Variants in MAP7 observed in about 807,000 individuals in gnomAD.
MAP7 encodes the protein microtubule associated protein 7.
A neutral mutation model predicts 94.8 loss-of-function variants in MAP7; 52 were observed. The ratio of observed to expected loss-of-function variants is 0.55; its 90% CI spans 0.44 to 0.69. MAP7 has a LOEUF of 0.69. Among genes scored for constraint, MAP7 ranks in the 30% least tolerant of loss-of-function variants. The pLI is 0.00. For missense variants in MAP7, 940 were observed against 964.6 expected, an observed-to-expected ratio of 0.97 and a Z score of 0.34; for synonymous variants, 350 against 357.0, an observed-to-expected ratio of 0.98 and a Z score of 0.22.
chr6:136,545,378 C>CAGGT (rs1327266787), intron 1 of MAP7: 1 of 152,086 alleles, frequency 6.6e-6, no homozygotes, highest in Non-Finnish European at 1.5e-5. Context: ...ACTTTGCTTT[C>CAGGT]ATTAGCTAAA....
intron 16 of MAP7, among the ~76,000 whole-genome samples, chr6:136,352,774 A>G (rs968739562): frequency 2.0e-4 from 30 of 152,366 alleles, no homozygotes; most frequent in Non-Finnish European, 3.7e-4. Context: ...TGGAAACTAC[A>G]AACAATGACA....
intron 1 of MAP7, among the ~76,000 whole-genome samples, chr6:136,449,193 G>T (rs1319590202): frequency 2.6e-5 from 4 of 152,124 alleles, no homozygotes; most frequent in African/African-American, 9.7e-5. Flanking sequence ...TACTGGGGAG[G>T]CTGAGGCAGG....
intron 1 of MAP7, among the ~76,000 whole-genome samples, chr6:136,492,309 T>C (rs933415099): frequency 6.6e-6 from 1 of 152,234 alleles, no homozygotes; most frequent in African/African-American, 2.4e-5. Context: ...CAGTTATCTC[T>C]AAGCCGGGAA....
intron 1 of MAP7, among the ~76,000 whole-genome samples, chr6:136,486,017 C>T (rs193277736): frequency 1.1e-4 from 16 of 152,214 alleles, no homozygotes; most frequent in Non-Finnish European, 1.8e-4. Context: ...ATCTAATAGA[C>T]CAATTAGAGT....
In MAP7 at chr6:136,427,832, A is replaced by C. The variant is rs375667850; in HGVS notation, c.68-6033T>G. Among the ~76,000 whole-genome samples, 78 of 152,356 alleles carry C rather than the reference A, an allele frequency of 5.1e-4. No homozygotes were observed. The South Asian group carries it at 0.015, about 30-fold the overall frequency. Reference sequence around the variant, plus strand: ...ATAGTAAGAGTGTGGAGGCTTTACAATTTGGAGTAGCTCATTCAGCAATGA... The same window carrying C: ...ATAGTAAGAGTGTGGAGGCTTTACACTTTGGAGTAGCTCATTCAGCAATGA... On this transcript the variant is annotated intron_variant, in intron 1 of 17. Transcript: ENST00000354570.
chr6:136,550,291 C>T lies in MAP7; in HGVS notation c.67+51G>A. 4 of 1,416,854 alleles carry T rather than the reference C, an allele frequency of 2.8e-6. No homozygotes were observed. Among genetic ancestry groups the T allele is most frequent in the East Asian group, 3.0e-5 (1 of 32,968 alleles). 87.8% of individuals were successfully genotyped at this position (1,416,854 alleles called of 1,614,324 possible). On this transcript the variant is annotated intron_variant, in intron 1 of 17. Transcript: ENST00000354570. The surrounding 1 kb of genome is among the most constrained non-coding windows in gnomAD (Gnocchi z 5.1). Reference sequence around the variant, plus strand: ...TTTCGGTGCCAGCCCGCCGGCCCCGCTCGCCGTCCCCTGCCCGACGGGACC... The same window carrying T: ...TTTCGGTGCCAGCCCGCCGGCCCCGTTCGCCGTCCCCTGCCCGACGGGACC...
In MAP7 at chr6:136,346,021, A is replaced by T; in HGVS notation, c.2074T>A (p.Phe692Ile). The T allele has an allele frequency of 6.2e-7, 1 of 1,613,886 alleles. No individual in the cohort carries two copies. The highest frequency in any genetic ancestry group is 8.5e-7 in the Non-Finnish European group (1 of 1,179,826). Residue 692 changes from phenylalanine to isoleucine, a missense_variant, in exon 17 of 18, where the codon TTT becomes ATT. Physicochemically the swap from Phe to Ile is conservative, Grantham distance 21. Coordinates refer to ENST00000354570, the MANE Select transcript of MAP7 (RefSeq NM_003980.6). ...ENGVSVQNEN[F>I]EEIINLPIGS... ...ATGGGTAAGTTTATAATTTCTTCAA[A>T]ATTTTCATTCTGAACAGATACACCA...
chr6:136,482,992 G>A lies in MAP7; in HGVS notation c.68-61193C>T, dbSNP rs541331332. ...TTTTCATTCTGTACAAGTTTTCCAC[G>A]TCCCTATTGATTGAATTCTTTGTCT... On this transcript the variant is annotated intron_variant, in intron 1 of 17. Coordinates refer to ENST00000354570, the MANE Select transcript of MAP7 (RefSeq NM_003980.6). Among the ~76,000 whole-genome samples the A allele has an allele frequency of 1.4e-4, 21 of 152,084 alleles. No individual in the cohort carries two copies. In the South Asian group the frequency reaches 2.3e-3, roughly 17 times the overall value.
At chr6:136,398,217 C>G (rs1392438994) in intron 3 of MAP7, among the ~76,000 whole-genome samples, 1 of 152,186 alleles carries the variant, frequency 6.6e-6, no homozygotes, top group Admixed American at 6.5e-5. Flanking sequence ...TGAACTTGGG[C>G]CCACCCCCAG....
chr6:136,541,741 A>T (rs1454057370), intron 1 of MAP7, among the ~76,000 whole-genome samples: 1 of 152,136 alleles, frequency 6.6e-6, no homozygotes, highest in Non-Finnish European at 1.5e-5. Context: ...AGTGTCAAAT[A>T]CTATATATTA....
intron 2 of MAP7, among the ~76,000 whole-genome samples, chr6:136,418,262 C>T (rs555595387): frequency 1.1e-3 from 163 of 152,320 alleles, no homozygotes; most frequent in Middle Eastern, 6.8e-3. Context: ...GTTGCCCAGG[C>T]TAGAGTATAG....
rs769951186 is a variant in MAP7 at position 136,480,641 on chromosome 6, C to CAAAAAAAAAAA, written c.68-58853_68-58843dup. Among the ~76,000 whole-genome samples the CAAAAAAAAAAA allele has an allele frequency of 1.5e-3, 31 of 20,150 alleles. 1 individual carries two copies. Among genetic ancestry groups the CAAAAAAAAAAA allele is most frequent in the Non-Finnish European group, 1.8e-3 (20 of 11,050 alleles). The allele number at this position is 20,150 out of a possible 152,430, so 13.2% of individuals were successfully genotyped here. The stretch of plus-strand genomic sequence containing the variant: ...TGGGTGACAGAGTGAGACTCTGCCT[C>CAAAAAAAAAAA]AAAAAAAAAAAAAAAAAAAAAAAAA... On this transcript the variant is annotated intron_variant, in intron 1 of 17. Transcript: ENST00000354570.
chr6:136,520,571 T>C (rs1826120647), intron 1 of MAP7, among the ~76,000 whole-genome samples: 1 of 152,162 alleles, frequency 6.6e-6, no homozygotes, highest in Admixed American at 6.5e-5. Flanking sequence ...GATGATTTCA[T>C]TACACTGATG....
chr6:136,355,818 T>G (rs1790748859), intron 16 of MAP7, among the ~76,000 whole-genome samples: 1 of 152,226 alleles, frequency 6.6e-6, no homozygotes, highest in African/African-American at 2.4e-5. Flanking sequence ...CTGCAAGTTC[T>G]CTATGATTGG....
At chr6:136,407,032 A>C (rs1484185351) in intron 3 of MAP7, among the ~76,000 whole-genome samples, 2 of 152,236 alleles carry the variant, frequency 1.3e-5, no homozygotes, top group Non-Finnish European at 2.9e-5. Flanking sequence ...TAAAAAGTAC[A>C]ACCACTGTGC....
intron 2 of MAP7, among the ~76,000 whole-genome samples, chr6:136,414,093 CA>C (rs1294338820): frequency 3.2e-5 from 4 of 124,752 alleles, no homozygotes; most frequent in Admixed American, 1.6e-4. Flanking sequence ...ACTAAAAATA[CA>C]AAAAAAAAAT....
intron 1 of MAP7, among the ~76,000 whole-genome samples, chr6:136,469,386 T>G (rs905896616): frequency 6.6e-6 from 1 of 151,950 alleles, no homozygotes; most frequent in Non-Finnish European, 1.5e-5. Context: ...TTCTCTCTCT[T>G]TCTCTCTTTT....
chr6:136,497,564 C>A (rs1365624191), intron 1 of MAP7, among the ~76,000 whole-genome samples: 2 of 151,040 alleles, frequency 1.3e-5, no homozygotes, highest in Non-Finnish European at 2.9e-5. Context: ...CTTTGGGAGG[C>A]TGAAGGTGGG....
chr6:136,432,928 T>G (rs1582896928), intron 1 of MAP7, among the ~76,000 whole-genome samples: 1 of 152,296 alleles, frequency 6.6e-6, no homozygotes, highest in Admixed American at 6.5e-5. Context: ...ATTTAAGAGA[T>G]AGGGTCTCAC....
Sources: allele counts gnomAD v4.1 joint callset (sites outside exome capture counted in the v4.1 genomes callset), GRCh38; gene constraint gnomAD v4.1.1; non-coding constraint Gnocchi (gnomAD v3.1); transcripts MANE v1.5; gene names NCBI Gene and HGNC (gene_info 2026-07-23, HGNC 2026-07-21).